AFAP1: variants seen among roughly 807,000 people sequenced by gnomAD.
AFAP1 encodes actin filament associated protein 1, also known as actin filament-associated protein 1.
A neutral mutation model predicts 93.9 loss-of-function variants in AFAP1; 75 were observed. That is an observed-to-expected ratio of 0.80 (90% CI 0.66 to 0.97). The LOEUF is 0.97. AFAP1 is among the 50% of genes least tolerant of loss of function. The pLI, the probability that AFAP1 is intolerant of heterozygous loss-of-function variation, is 0.00. For missense variants in AFAP1, 1,201 were observed against 1,050.8 expected (o/e 1.14, Z -1.98); for synonymous variants, 517 against 430.7 (o/e 1.20, Z -2.48).
At chr4:7,824,848 A>G (rs1054597623) in intron 6 of AFAP1, among the ~76,000 whole-genome samples, 2 of 152,130 alleles carry the variant, frequency 1.3e-5, no homozygotes, top group Admixed American at 6.5e-5. Flanking sequence ...TACAGTGTAC[A>G]TTATTTGGGT....
chr4:7,860,021 T>C (rs73090510), intron 3 of AFAP1, among the ~76,000 whole-genome samples: 2,427 of 152,260 alleles, frequency 0.016, 40 homozygotes, highest in South Asian at 0.065. Context: ...TGCATGCCTA[T>C]AGTCCCAACT....
At chr4:7,873,719 CCA>C (rs1386200526) in intron 1 of AFAP1, among the ~76,000 whole-genome samples, 1 of 152,070 alleles carries the variant, frequency 6.6e-6, no homozygotes, top group Non-Finnish European at 1.5e-5. Flanking sequence ...ACACGAAATA[CCA>C]CAGTCGTCTA....
chr4:7,821,676 GCTT>G (rs942798060), intron 6 of AFAP1, among the ~76,000 whole-genome samples: 6 of 152,174 alleles, frequency 3.9e-5, no homozygotes, highest in African/African-American at 1.2e-4. Flanking sequence ...TTAAACTCAA[GCTT>G]CTTCTGGGCA....
At chr4:7,818,968 T>TC (rs1387803148) in intron 7 of AFAP1, 108 bp downstream of exon 7, 2 of 1,104,904 alleles carry the variant, frequency 1.8e-6, no homozygotes, top group East Asian at 2.6e-5. Flanking sequence ...CACTTTTTCT[T>TC]TTTTAACTGG....
intron 1 of AFAP1, among the ~76,000 whole-genome samples, chr4:7,929,641 A>G (rs958277413): frequency 3.3e-5 from 5 of 152,082 alleles, no homozygotes; most frequent in African/African-American, 4.8e-5. Flanking sequence ...CTGGAGCCAC[A>G]CTGTCCCAGC....
At chr4:7,863,330 A>C (rs1258453522) in intron 3 of AFAP1, among the ~76,000 whole-genome samples, 1 of 152,122 alleles carries the variant, frequency 6.6e-6, no homozygotes, top group African/African-American at 2.4e-5. Flanking sequence ...GAGGTGGGAA[A>C]ATTGCATGAA....
intron 3 of AFAP1, among the ~76,000 whole-genome samples, chr4:7,858,710 G>A (rs921488930): frequency 6.6e-5 from 10 of 152,190 alleles, no homozygotes; most frequent in Non-Finnish European, 1.2e-4. Flanking sequence ...TCACATCCAA[G>A]GCTGGCTTGT....
chr4:7,843,145 T>TC lies in AFAP1; in HGVS notation c.539_540insG (p.Leu181ThrfsTer5). The TC allele has an allele frequency of 6.2e-7, 1 of 1,613,926 alleles. No homozygotes were observed. The highest frequency in any genetic ancestry group is 2.2e-5 in the East Asian group (1 of 44,874). ...GCGATTCCAAATGTCTTACCAGCAG[T>TC]TTGGTGTCTTTGATGACGCAGAGCA... On this transcript the variant is annotated frameshift_variant, in exon 5 of 18. Coordinates refer to ENST00000420658, the MANE Select transcript of AFAP1 (RefSeq NM_001134647.2). LOFTEE classifies it high-confidence loss of function.
intron 11 of AFAP1, among the ~76,000 whole-genome samples, chr4:7,786,783 G>T (rs16841248): frequency 2.6e-5 from 4 of 152,204 alleles, no homozygotes; most frequent in Admixed American, 1.3e-4. Context: ...TCTTTCACAA[G>T]TGTGTTACTT....
chr4:7,909,450 A>C (rs1233820269), intron 1 of AFAP1, among the ~76,000 whole-genome samples: 1 of 152,252 alleles, frequency 6.6e-6, no homozygotes, highest in African/African-American at 2.4e-5. Flanking sequence ...GTTTCCTGCC[A>C]ATCAAACTAG....
At chr4:7,771,316 CAAG>C (rs1178912710) in intron 16 of AFAP1, among the ~76,000 whole-genome samples, 3 of 152,048 alleles carry the variant, frequency 2.0e-5, no homozygotes, top group African/African-American at 4.8e-5. Flanking sequence ...CCCAGGAGTT[CAAG>C]AAGGAACACA....
rs1004178544 is a variant in AFAP1 at position 7,809,912 on chromosome 4, G to T, written c.905-149C>A. On this transcript the variant is annotated intron_variant, in intron 8 of 17. Transcript: ENST00000420658. ...TCTCACTCTGTCCCCTGGCTGGAGT[G>T]CAGTGTTGTGATCACAGCTCAATGC... The T allele has an allele frequency of 4.3e-6, 4 of 920,798 alleles. No individual in the cohort carries two copies. The East Asian group carries it at 8.2e-5, about 19-fold the overall frequency. The allele number at this position is 920,798 out of a possible 1,614,324, so 57.0% of individuals were successfully genotyped here.
chr4:7,924,299 G>A (rs774460869), intron 1 of AFAP1, among the ~76,000 whole-genome samples: 1 of 152,118 alleles, frequency 6.6e-6, no homozygotes, highest in African/African-American at 2.4e-5. Flanking sequence ...ACCAACAAAG[G>A]TTACACAAAT....
At chr4:7,797,046 T>G (rs764817718) in intron 10 of AFAP1, among the ~76,000 whole-genome samples, 2 of 140,350 alleles carry the variant, frequency 1.4e-5, no homozygotes, top group Non-Finnish European at 3.0e-5. Flanking sequence ...GATGACAGAG[T>G]GAGACCTTGT....
Position 7,763,661 on chromosome 4 carries a change from C to T in AFAP1, c.*104G>A, listed in dbSNP as rs904179745. 2.4e-5 allele frequency: 33 copies of T among 1,385,674 alleles called. No homozygotes were observed. In the South Asian group the frequency reaches 3.3e-4, roughly 14 times the overall value. 85.8% of individuals were successfully genotyped at this position (1,385,674 alleles called of 1,614,324 possible). On this transcript the variant is annotated 3_prime_UTR_variant, in exon 18 of 18. Transcript: ENST00000420658. ...AGCTCAGTCGTGGAGCCTCTGGAGT[C>T]GTGCAGCTGAGGCCACTCTGGGCAG... is the stretch of plus-strand genomic sequence containing the variant.
intron 11 of AFAP1, among the ~76,000 whole-genome samples, chr4:7,787,228 C>T (rs942003068): frequency 2.0e-5 from 3 of 152,232 alleles, no homozygotes; most frequent in Non-Finnish European, 2.9e-5. Flanking sequence ...GTGTATGCGG[C>T]GGTGCCGGGA....
At chr4:7,828,731 T>C (rs1442816670) in intron 6 of AFAP1, among the ~76,000 whole-genome samples, 1 of 152,198 alleles carries the variant, frequency 6.6e-6, no homozygotes, top group African/African-American at 2.4e-5. Flanking sequence ...ACCATTATTA[T>C]ACCCACCTTT....
intron 1 of AFAP1, among the ~76,000 whole-genome samples, chr4:7,889,330 C>T (rs147595520): frequency 4.6e-4 from 70 of 151,870 alleles, no homozygotes; most frequent in African/African-American, 1.6e-3. Flanking sequence ...GGACGGATCA[C>T]GAGGTCAGGA....
At position 7,784,682 on chromosome 4, in the gene AFAP1, C is replaced by T. The variant is rs564813806; in HGVS notation, c.1530+1512G>A. On this transcript the variant is annotated intron_variant, in intron 12 of 17. Coordinates refer to ENST00000420658, the MANE Select transcript of AFAP1 (RefSeq NM_001134647.2). ...AGGAGGCGGCCAATGGGAAGGCAACCGAGCCCCAGGGACACACTGCGTCCA... is the reference window on the plus strand; with the variant it reads ...AGGAGGCGGCCAATGGGAAGGCAACTGAGCCCCAGGGACACACTGCGTCCA... 1.7e-4 allele frequency among the ~76,000 whole-genome samples: 26 copies of T among 152,218 alleles called. No individual in the cohort carries two copies. The South Asian group carries it at 3.9e-3, about 23-fold the overall frequency.
Sources: gnomAD v4.1 joint callset for allele counts (sites outside exome capture counted in the v4.1 genomes callset) on GRCh38, gnomAD v4.1.1 for gene constraint, MANE v1.5 for transcripts, NCBI Gene and HGNC (gene_info 2026-07-23, HGNC 2026-07-21) for gene names.